Variants in KIAA1217 observed in about 807,000 individuals in gnomAD.
The protein encoded by KIAA1217 is KIAA1217.
Under a neutral mutation model 163.9 loss-of-function variants are expected in KIAA1217, and 88 were observed. The observed-to-expected ratio is 0.54, with a 90% CI of 0.45 to 0.64. KIAA1217 has a LOEUF of 0.64. Ranked by LOEUF, KIAA1217 falls within the 30% of genes least tolerant of loss-of-function variation. The pLI is 0.00. For synonymous variants in KIAA1217, 903 were observed against 923.1 expected (o/e 0.98, Z 0.39); for missense variants, 2,372 against 2,475.0 (o/e 0.96, Z 0.88).
chr10:23,913,101 G>T (rs1052956065), intron 1 of KIAA1217, among the ~76,000 whole-genome samples: 3 of 152,160 alleles, frequency 2.0e-5, no homozygotes, highest in African/African-American at 7.2e-5. Flanking sequence ...CGGGTAACTT[G>T]TCTTCTACTA....
chr10:23,969,977 A>G (rs1845241137), intron 1 of KIAA1217, among the ~76,000 whole-genome samples: 2 of 152,126 alleles, frequency 1.3e-5, no homozygotes, highest in South Asian at 4.1e-4. Flanking sequence ...TTTTGCCCTT[A>G]TAAAACCATC....
intron 2 of KIAA1217, among the ~76,000 whole-genome samples, chr10:24,051,122 G>A (rs761764919): frequency 3.3e-5 from 5 of 151,962 alleles, no homozygotes; most frequent in Non-Finnish European, 4.4e-5. Context: ...TCATTCTTAC[G>A]CCTTTGCATC....
chr10:23,958,629 C>G (rs555561168), intron 1 of KIAA1217, among the ~76,000 whole-genome samples: 1 of 152,048 alleles, frequency 6.6e-6, no homozygotes, highest in South Asian at 2.1e-4. Flanking sequence ...TTTAAAACAA[C>G]ATTTTCTAAA....
intron 2 of KIAA1217, among the ~76,000 whole-genome samples, chr10:24,339,605 G>A (rs7090875): frequency 0.032 from 4,851 of 152,286 alleles, 256 homozygotes; most frequent in African/African-American, 0.11. Context: ...GGTGTTGTAC[G>A]TGTGTTTCCA....
At chr10:24,409,113 A>G (rs968758555) in intron 3 of KIAA1217, among the ~76,000 whole-genome samples, 1 of 152,232 alleles carries the variant, frequency 6.6e-6, no homozygotes, top group Non-Finnish European at 1.5e-5. Flanking sequence ...CTTGGAAATA[A>G]GAATCACAGG....
chr10:24,150,062 G>C (rs2064533215), intron 2 of KIAA1217, among the ~76,000 whole-genome samples: 2 of 151,994 alleles, frequency 1.3e-5, no homozygotes, highest in Non-Finnish European at 2.9e-5. Context: ...TTGTTGCCCA[G>C]CGTAGAGTGC....
intron 2 of KIAA1217, among the ~76,000 whole-genome samples, chr10:24,192,686 C>A (rs1279947841): frequency 2.0e-5 from 3 of 152,236 alleles, no homozygotes; most frequent in African/African-American, 7.2e-5. Context: ...GCACAGGACC[C>A]AATTCACTCT....
chr10:24,276,371 C>T (rs1472086804), intron 2 of KIAA1217, among the ~76,000 whole-genome samples: 1 of 152,108 alleles, frequency 6.6e-6, no homozygotes, highest in African/African-American at 2.4e-5. Context: ...TCGTTCTGCC[C>T]GGTTTGAGGG....
At chr10:24,306,511 G>C (rs2042019800) in intron 2 of KIAA1217, among the ~76,000 whole-genome samples, 2 of 152,174 alleles carry the variant, frequency 1.3e-5, no homozygotes, top group Non-Finnish European at 2.9e-5. Flanking sequence ...TACAACCCCA[G>C]GTGCTCAAGC....
intron 2 of KIAA1217, among the ~76,000 whole-genome samples, chr10:24,196,655 T>C (rs960084890): frequency 6.6e-6 from 1 of 152,192 alleles, no homozygotes; most frequent in African/African-American, 2.4e-5. Context: ...GGGGTTTGCG[T>C]TCCTGCTGGT....
chr10:24,498,300 A>G (rs546080923), intron 8 of KIAA1217, among the ~76,000 whole-genome samples: 3 of 152,296 alleles, frequency 2.0e-5, no homozygotes, highest in East Asian at 3.9e-4. Context: ...CAGAAAGGGA[A>G]GAAGATCATG....
At chr10:24,304,177 C>A (rs1228835327) in intron 2 of KIAA1217, among the ~76,000 whole-genome samples, 1 of 139,224 alleles carries the variant, frequency 7.2e-6, no homozygotes, top group Non-Finnish European at 1.5e-5. Context: ...GTCATTGCTT[C>A]ATCATTTCGA....
chr10:23,849,739 C>G (rs1388637966), intron 1 of KIAA1217, among the ~76,000 whole-genome samples: 2 of 151,964 alleles, frequency 1.3e-5, no homozygotes, highest in African/African-American at 2.4e-5. Flanking sequence ...TTTCCTGAAC[C>G]TTTCATCTCT....
chr10:24,211,694 C>T (rs995468293), intron 1 of KIAA1217, among the ~76,000 whole-genome samples: 5 of 151,562 alleles, frequency 3.3e-5, no homozygotes, highest in Admixed American at 1.3e-4. Flanking sequence ...GTATTGAGCA[C>T]AATCCAAGTA....
At chr10:24,286,214 A>AT (rs908020746) in intron 2 of KIAA1217, among the ~76,000 whole-genome samples, 1 of 151,740 alleles carries the variant, frequency 6.6e-6, no homozygotes, top group Non-Finnish European at 1.5e-5. Flanking sequence ...TCTTTTGCCC[A>AT]TTTTTTTAAT....
intron 10 of KIAA1217, among the ~76,000 whole-genome samples, chr10:24,519,729 C>A (rs1464055364): frequency 6.6e-6 from 1 of 152,144 alleles, no homozygotes. Context: ...TGTTTTACTG[C>A]ACCGCAGGTC....
At chr10:23,806,765 A>C (rs1836760906) in intron 1 of KIAA1217, among the ~76,000 whole-genome samples, 1 of 152,150 alleles carries the variant, frequency 6.6e-6, no homozygotes, top group African/African-American at 2.4e-5. Flanking sequence ...GAAGATTGCA[A>C]TCAACTCCTT....
intron 3 of KIAA1217, among the ~76,000 whole-genome samples, 169 bp from the exon 4 acceptor site, chr10:24,432,826 A>G (rs2059710469): frequency 6.6e-6 from 1 of 152,188 alleles, no homozygotes; most frequent in African/African-American, 2.4e-5. Flanking sequence ...TACTTACACA[A>G]TAACCAAACA....
At chr10:24,000,857 A>G (rs1009577798) in intron 1 of KIAA1217, among the ~76,000 whole-genome samples, 8 of 152,250 alleles carry the variant, frequency 5.3e-5, no homozygotes, top group Admixed American at 6.5e-5. Context: ...CTGTGTGTTC[A>G]AATGGGCACT....
Sources: gnomAD v4.1 joint callset for allele counts (sites outside exome capture counted in the v4.1 genomes callset) on GRCh38, gnomAD v4.1.1 for gene constraint, MANE v1.5 for transcripts, NCBI Gene and HGNC (gene_info 2026-07-23, HGNC 2026-07-21) for gene names.